Variants in TENM3 observed in about 807,000 individuals in gnomAD.
TENM3 encodes teneurin transmembrane protein 3, also known as teneurin-3.
Under a neutral mutation model 255.1 loss-of-function variants are expected in TENM3, and 63 were observed. The ratio of observed to expected loss-of-function variants is 0.25; its 90% CI spans 0.20 to 0.30. TENM3 has a LOEUF of 0.30. Among genes scored for constraint, TENM3 ranks in the 10% least tolerant of loss-of-function variants. The pLI is 1.00. For missense variants in TENM3, 2,929 were observed against 3,461.1 expected, an observed-to-expected ratio of 0.85 and a Z score of 3.86; for synonymous variants, 1,306 against 1,322.3, an observed-to-expected ratio of 0.99 and a Z score of 0.27.
At chr4:181,693,824 A>G in the TENM3 span, among the ~76,000 whole-genome samples, 1 of 152,174 alleles carries the variant, frequency 6.6e-6, no homozygotes, top group African/African-American at 2.4e-5. Flanking sequence ...CTTGCATGTA[A>G]TGGGCACCAG....
At chr4:181,510,762 G>T in the TENM3 span, among the ~76,000 whole-genome samples, 3 of 152,218 alleles carry the variant, frequency 2.0e-5, no homozygotes, top group Admixed American at 1.3e-4. Flanking sequence ...CAGAACTCTG[G>T]TGAGGAGGGA....
the TENM3 span, among the ~76,000 whole-genome samples, chr4:181,926,442 C>T: frequency 6.6e-6 from 1 of 152,168 alleles, no homozygotes; most frequent in Admixed American, 6.5e-5. Flanking sequence ...CCCAAAGAAC[C>T]TTGTGACATT....
intron 3 of TENM3, among the ~76,000 whole-genome samples, chr4:182,354,614 A>T (rs2150728396): frequency 6.6e-6 from 1 of 152,344 alleles, no homozygotes; most frequent in Admixed American, 6.5e-5. Flanking sequence ...ATAATTTTAT[A>T]CATGATTATC....
chr4:182,041,661 T>C, the TENM3 span, among the ~76,000 whole-genome samples: 1 of 152,236 alleles, frequency 6.6e-6, no homozygotes, highest in Non-Finnish European at 1.5e-5. Flanking sequence ...TATTTTATTC[T>C]AGATTTCCTG....
At chr4:182,708,254 G>A (rs1043753314) in intron 12 of TENM3, among the ~76,000 whole-genome samples, 1 of 152,064 alleles carries the variant, frequency 6.6e-6, no homozygotes, top group South Asian at 2.1e-4. Context: ...TACCTACAGC[G>A]AGCAGGGCTG....
At chr4:181,905,108 T>C in the TENM3 span, among the ~76,000 whole-genome samples, 2 of 152,234 alleles carry the variant, frequency 1.3e-5, no homozygotes, top group African/African-American at 4.8e-5. Flanking sequence ...GTCTCAGATA[T>C]GTCTTTATCA....
chr4:181,525,645 T>C, the TENM3 span, among the ~76,000 whole-genome samples: 1 of 152,174 alleles, frequency 6.6e-6, no homozygotes, highest in African/African-American at 2.4e-5. Flanking sequence ...TTTCCCCCTG[T>C]GTTTTTTTGT....
chr4:182,423,626 G>A (rs1258603171), intron 3 of TENM3, among the ~76,000 whole-genome samples: 1 of 152,112 alleles, frequency 6.6e-6, no homozygotes, highest in Non-Finnish European at 1.5e-5. Flanking sequence ...AAAAATACAC[G>A]CAAAGCTTCA....
chr4:182,543,093 T>C (rs1159440325), intron 3 of TENM3, among the ~76,000 whole-genome samples: 2 of 152,170 alleles, frequency 1.3e-5, no homozygotes, highest in Non-Finnish European at 2.9e-5. Context: ...ATATCTTTCC[T>C]ACTAGAAGGA....
the TENM3 span, among the ~76,000 whole-genome samples, chr4:181,456,085 T>C: frequency 2.7e-5 from 4 of 150,188 alleles, no homozygotes; most frequent in African/African-American, 4.9e-5. Context: ...AAGATTTACT[T>C]GGTAAATATA....
the TENM3 span, among the ~76,000 whole-genome samples, chr4:181,782,100 G>C: frequency 7.9e-5 from 12 of 152,048 alleles, no homozygotes; most frequent in African/African-American, 2.9e-4. Flanking sequence ...TTGTATCTCT[G>C]CCAGGCTTTG....
chr4:181,754,024 G>A, the TENM3 span, among the ~76,000 whole-genome samples: 4 of 152,086 alleles, frequency 2.6e-5, no homozygotes, highest in African/African-American at 9.7e-5. Flanking sequence ...AGATTGACAA[G>A]TATGTTTTTT....
chr4:181,636,144 C>G, the TENM3 span, among the ~76,000 whole-genome samples: 2 of 152,052 alleles, frequency 1.3e-5, no homozygotes, highest in Non-Finnish European at 2.9e-5. Flanking sequence ...ATCCCAGATT[C>G]AGGCGATTCT....
intron 3 of TENM3, among the ~76,000 whole-genome samples, chr4:182,397,424 A>C (rs1318358842): frequency 1.6e-4 from 23 of 145,120 alleles, no homozygotes; most frequent in African/African-American, 4.9e-4. Context: ...AAAAAAAAAA[A>C]AAAAATCAAA....
chr4:181,518,613 G>T, the TENM3 span, among the ~76,000 whole-genome samples: 1 of 152,098 alleles, frequency 6.6e-6, no homozygotes, highest in Non-Finnish European at 1.5e-5. Flanking sequence ...ATTTTTAGTA[G>T]AGACAGAGTT....
chr4:181,831,017 A>G, the TENM3 span, among the ~76,000 whole-genome samples: 1 of 152,314 alleles, frequency 6.6e-6, no homozygotes, highest in Non-Finnish European at 1.5e-5. Flanking sequence ...TAATCTTATC[A>G]TCTTAAAAAT....
the TENM3 span, among the ~76,000 whole-genome samples, chr4:182,025,059 T>C: frequency 4.1e-5 from 6 of 145,650 alleles, no homozygotes; most frequent in Non-Finnish European, 8.9e-5. Context: ...GATGGAGTCT[T>C]GCTTTGTTGC....
chr4:182,471,243 G>A (rs1476320464), intron 3 of TENM3, among the ~76,000 whole-genome samples: 2 of 152,180 alleles, frequency 1.3e-5, no homozygotes, highest in East Asian at 3.8e-4. Flanking sequence ...CCAGTGTTAG[G>A]AGCATAAGTA....
At chr4:181,483,049 A>C in the TENM3 span, among the ~76,000 whole-genome samples, 1 of 152,270 alleles carries the variant, frequency 6.6e-6, no homozygotes, top group East Asian at 1.9e-4. Flanking sequence ...AAACGTTATT[A>C]AAATGTAAAA....
Sources: gnomAD v4.1 joint callset for allele counts (sites outside exome capture counted in the v4.1 genomes callset) on GRCh38, gnomAD v4.1.1 for gene constraint, MANE v1.5 for transcripts, NCBI Gene and HGNC (gene_info 2026-07-23, HGNC 2026-07-21) for gene names.